Variants in GALNTL6 observed in about 807,000 individuals in gnomAD.
GALNTL6 encodes polypeptide N-acetylgalactosaminyltransferase-like 6.
In GALNTL6, 46 loss-of-function variants were observed where a neutral mutation model predicts 73.7. That is an observed-to-expected ratio of 0.62 (90% CI 0.49 to 0.80). The LOEUF is 0.80. GALNTL6 is among the 30% of genes least tolerant of loss of function. GALNTL6 has a pLI of 0.00. For missense variants in GALNTL6, 604 were observed against 755.0 expected (o/e 0.80, Z 2.34); for synonymous variants, 259 against 263.7 (o/e 0.98, Z 0.17).
intron 5 of GALNTL6, among the ~76,000 whole-genome samples, chr4:172,525,744 T>G (rs1392742524): frequency 6.6e-6 from 1 of 152,076 alleles, no homozygotes; most frequent in Non-Finnish European, 1.5e-5. Flanking sequence ...GCACCTGTGG[T>G]CCCAGCTACT....
intron 7 of GALNTL6, among the ~76,000 whole-genome samples, chr4:172,856,257 G>GA (rs1744116841): frequency 6.6e-6 from 1 of 152,114 alleles, no homozygotes; most frequent in African/African-American, 2.4e-5. Context: ...ACTCACATCT[G>GA]AAATTAAAGC....
intron 5 of GALNTL6, among the ~76,000 whole-genome samples, chr4:172,746,125 T>G (rs1006384000): frequency 1.3e-5 from 2 of 152,144 alleles, no homozygotes; most frequent in Non-Finnish European, 2.9e-5. Flanking sequence ...AAACCTGCAA[T>G]TTAATTGTAA....
chr4:172,763,745 G>A (rs993380116), intron 5 of GALNTL6, among the ~76,000 whole-genome samples: 5 of 152,088 alleles, frequency 3.3e-5, no homozygotes, highest in African/African-American at 1.2e-4. Flanking sequence ...TTAAACAAGC[G>A]GCTTAGATTT....
At chr4:172,913,554 G>T (rs1432719284) in intron 8 of GALNTL6, among the ~76,000 whole-genome samples, 2 of 152,192 alleles carry the variant, frequency 1.3e-5, no homozygotes, top group Non-Finnish European at 1.5e-5. Flanking sequence ...TAAATGACCT[G>T]ATGGAGCTGA....
intron 5 of GALNTL6, among the ~76,000 whole-genome samples, chr4:172,680,440 G>A (rs992243281): frequency 1.3e-5 from 2 of 152,100 alleles, no homozygotes; most frequent in Non-Finnish European, 2.9e-5. Context: ...AGGAAGGAAG[G>A]AGGGGGGAAA....
intron 2 of GALNTL6, among the ~76,000 whole-genome samples, chr4:171,831,206 G>T (rs525281): frequency 0.98 from 148,895 of 152,086 alleles, 72,975 homozygotes; most frequent in Middle Eastern, 1. Flanking sequence ...AGGTTCATTT[G>T]AATTAGCAGT....
At chr4:172,537,138 G>A (rs572878752) in intron 5 of GALNTL6, among the ~76,000 whole-genome samples, 32 of 152,264 alleles carry the variant, frequency 2.1e-4, no homozygotes, top group African/African-American at 7.2e-4. Context: ...TTTGTATTTG[G>A]ACTTTTGAGT....
chr4:172,413,522 C>T (rs1300427381), intron 5 of GALNTL6, among the ~76,000 whole-genome samples: 1 of 152,136 alleles, frequency 6.6e-6, no homozygotes, highest in Non-Finnish European at 1.5e-5. Flanking sequence ...ATCTGTTTTA[C>T]AGCCAAGTAT....
chr4:172,053,901 C>T (rs995673429), intron 2 of GALNTL6, among the ~76,000 whole-genome samples: 15 of 151,902 alleles, frequency 9.9e-5, no homozygotes, highest in African/African-American at 3.1e-4. Context: ...TAATATATAT[C>T]CATGGGCCAA....
chr4:172,973,055 T>C (rs571831673), intron 10 of GALNTL6, among the ~76,000 whole-genome samples: 6 of 152,334 alleles, frequency 3.9e-5, no homozygotes, highest in African/African-American at 1.4e-4. Flanking sequence ...TGAGGGATTT[T>C]ATACAGATGC....
chr4:172,225,809 A>C (rs1263610675), intron 2 of GALNTL6, among the ~76,000 whole-genome samples: 1 of 152,038 alleles, frequency 6.6e-6, no homozygotes, highest in African/African-American at 2.4e-5. Flanking sequence ...AATAATTAAA[A>C]ATAACTAGTT....
chr4:172,834,256 G>T (rs375804517), intron 7 of GALNTL6, among the ~76,000 whole-genome samples: 1 of 152,196 alleles, frequency 6.6e-6, no homozygotes, highest in Non-Finnish European at 1.5e-5. Flanking sequence ...CCTCTGGACT[G>T]GAAAGTAAAA....
At chr4:172,217,014 A>C (rs1476852657) in intron 2 of GALNTL6, among the ~76,000 whole-genome samples, 1 of 152,132 alleles carries the variant, frequency 6.6e-6, no homozygotes, top group African/African-American at 2.4e-5. Context: ...GGTCCATAGA[A>C]AGGAAATGTT....
At chr4:172,908,261 G>C (rs1033093663) in intron 8 of GALNTL6, among the ~76,000 whole-genome samples, 2 of 152,140 alleles carry the variant, frequency 1.3e-5, no homozygotes, top group Non-Finnish European at 2.9e-5. Context: ...CATGGAAAGA[G>C]AAGTCATGAA....
At chr4:172,501,780 A>G (rs955286465) in intron 5 of GALNTL6, among the ~76,000 whole-genome samples, 1 of 152,106 alleles carries the variant, frequency 6.6e-6, no homozygotes, top group Non-Finnish European at 1.5e-5. Context: ...AAATTAAACT[A>G]TCTTCCCAAA....
intron 4 of GALNTL6, among the ~76,000 whole-genome samples, chr4:172,341,209 T>C (rs1741546703): frequency 6.6e-6 from 1 of 151,992 alleles, no homozygotes; most frequent in Non-Finnish European, 1.5e-5. Context: ...CCCAGCACTT[T>C]GGGAGGCCGA....
chr4:172,549,969 T>G (rs944627579), intron 5 of GALNTL6, among the ~76,000 whole-genome samples: 3 of 152,220 alleles, frequency 2.0e-5, no homozygotes, highest in African/African-American at 7.2e-5. Context: ...TCCGTGTCAG[T>G]AATATAACTT....
intron 5 of GALNTL6, among the ~76,000 whole-genome samples, chr4:172,713,222 A>ATGTGTGTGTG (rs61504713): frequency 0.03 from 4,229 of 139,046 alleles, 97 homozygotes; most frequent in African/African-American, 0.056. Context: ...AAAGAATAAG[A>ATGTGTGTGTG]TGTGTGTGTG....
At chr4:172,022,872 C>A (rs928554619) in intron 2 of GALNTL6, among the ~76,000 whole-genome samples, 1 of 152,000 alleles carries the variant, frequency 6.6e-6, no homozygotes, top group African/African-American at 2.4e-5. Context: ...ATTCTCTGAG[C>A]CACCCCATTT....
Sources: allele counts gnomAD v4.1 joint callset (sites outside exome capture counted in the v4.1 genomes callset), GRCh38; gene constraint gnomAD v4.1.1; transcripts MANE v1.5; gene names NCBI Gene and HGNC (gene_info 2026-07-23, HGNC 2026-07-21).